Variants in GABRR1 observed in about 807,000 individuals in gnomAD.
GABRR1 encodes the protein gamma-aminobutyric acid receptor subunit rho-1.
GABRR1 carries 59 observed loss-of-function variants against 55.5 expected under a neutral mutation model. The ratio of observed to expected loss-of-function variants is 1.06; its 90% confidence interval spans 0.86 to 1.32. The LOEUF is 1.32. Among genes scored for constraint, GABRR1 ranks in the 40% most tolerant of loss-of-function variants. The pLI is 0.00. For synonymous variants in GABRR1, 213 were observed against 226.0 expected (o/e 0.94, Z 0.51); for missense variants, 602 against 619.1 (o/e 0.97, Z 0.29).
At chr6:89,210,482 T>A (rs1357192872) in intron 1 of GABRR1, among the ~76,000 whole-genome samples, 1 of 152,082 alleles carries the variant, frequency 6.6e-6, no homozygotes, top group Non-Finnish European at 1.5e-5. Context: ...GTGTGAGCCA[T>A]CATGCCCAGT....
Position 89,183,849 on chromosome 6 carries a change from C to A in GABRR1, c.796+1461G>T, listed in dbSNP as rs1479508306. ...GGCATACAGAGTGGTATAGTGGACA[C>A]TGGAGACTCGGAAGTGGAGAAGGTG... On this transcript the variant is annotated intron_variant, in intron 7 of 9. Coordinates refer to ENST00000454853, the MANE Select transcript of GABRR1 (RefSeq NM_002042.5). Among the ~76,000 whole-genome samples, 3 of 152,162 alleles carry A rather than the reference C, an allele frequency of 2.0e-5. No individual in the cohort carries two copies. In the East Asian group the frequency reaches 5.8e-4, roughly 29 times the overall value.
At chr6:89,189,753 TA>T (rs1179125816) in intron 6 of GABRR1, among the ~76,000 whole-genome samples, 1 of 152,124 alleles carries the variant, frequency 6.6e-6, no homozygotes, top group African/African-American at 2.4e-5. Flanking sequence ...AGCTTCAATC[TA>T]ACACATTACT....
chr6:89,188,584 T>A (rs1771986043), intron 6 of GABRR1, among the ~76,000 whole-genome samples: 1 of 150,208 alleles, frequency 6.7e-6, no homozygotes, highest in East Asian at 1.9e-4. Flanking sequence ...TCAAGTCTTT[T>A]GTCCATTTTT....
chr6:89,203,862 G>T (rs991473759), intron 1 of GABRR1, among the ~76,000 whole-genome samples: 1 of 152,202 alleles, frequency 6.6e-6, no homozygotes, highest in Non-Finnish European at 1.5e-5. Flanking sequence ...CAGGTGAACT[G>T]CATCACTTGA....
intron 1 of GABRR1, among the ~76,000 whole-genome samples, chr6:89,230,540 C>T (rs568025978): frequency 1.0e-3 from 156 of 152,310 alleles, no homozygotes; most frequent in African/African-American, 3.7e-3. Flanking sequence ...TGTCAGTGTG[C>T]CCCTGCCTGG....
intron 6 of GABRR1, among the ~76,000 whole-genome samples, chr6:89,185,941 C>T (rs1028346750): frequency 4.0e-5 from 6 of 151,894 alleles, no homozygotes; most frequent in African/African-American, 1.5e-4. Context: ...CATAAAGAGA[C>T]GGGAGTGGAA....
At chr6:89,194,298 C>A (rs1312134544) in intron 5 of GABRR1, among the ~76,000 whole-genome samples, 1 of 152,138 alleles carries the variant, frequency 6.6e-6, no homozygotes, top group Non-Finnish European at 1.5e-5. Flanking sequence ...CTCCCCCATT[C>A]GGGACTGGCG....
At chr6:89,180,875 AG>A (rs1771697270) in intron 8 of GABRR1, among the ~76,000 whole-genome samples, 1 of 152,166 alleles carries the variant, frequency 6.6e-6, no homozygotes, top group African/African-American at 2.4e-5. Flanking sequence ...AAGGGGAAAA[AG>A]CCCATGGGGT....
intron 5 of GABRR1, among the ~76,000 whole-genome samples, chr6:89,191,272 G>A (rs1034133796): frequency 6.6e-6 from 1 of 152,162 alleles, no homozygotes; most frequent in African/African-American, 2.4e-5. Context: ...TGATAAACAG[G>A]GAATGTTAGA....
At position 89,179,048 on chromosome 6, in the gene GABRR1, C is replaced by T. The variant is rs912306660; in HGVS notation, c.1162G>A (p.Gly388Arg). 5.6e-6 allele frequency: 9 copies of T among 1,613,624 alleles called. No homozygotes were observed. Among genetic ancestry groups the T allele is most frequent in the Admixed American group, 3.3e-5 (2 of 59,986 alleles). The change falls in exon 10 of 10, where the codon GGA becomes AGA. Residue 388 changes from glycine to arginine, a missense_variant. By Grantham distance (125) the Gly-to-Arg change is moderately radical. Coordinates refer to ENST00000454853, the MANE Select transcript of GABRR1 (RefSeq NM_002042.5). Reference sequence around the variant, plus strand: ...ATCGCAGTGCGGGGCGGAGGTAATCCGCTGGTGCAGGGAAGCTGCAAACAG... The same window carrying T: ...ATCGCAGTGCGGGGCGGAGGTAATCTGCTGGTGCAGGGAAGCTGCAAACAG... ...KLREKLPCTS[G>R]LPPPRTAMLD...
rs372666451 is a variant in GABRR1, at chr6:89,178,651, T to C, written c.*119A>G. 73 of 818,466 alleles carry C rather than the reference T, an allele frequency of 8.9e-5. No individual in the cohort carries two copies. The South Asian group carries it at 1.3e-3, about 14-fold the overall frequency. The allele number at this position is 818,466 out of a possible 1,614,324, so 50.7% of individuals were successfully genotyped here. On this transcript the variant is annotated 3_prime_UTR_variant, in exon 10 of 10. Coordinates refer to ENST00000454853, the MANE Select transcript of GABRR1 (RefSeq NM_002042.5). ...CTTTGGAAAGCTGCAGAAGGGATAGTGAAAACATGGGTGGGTCCTGGGATT... is the reference window on the plus strand; with the variant it reads ...CTTTGGAAAGCTGCAGAAGGGATAGCGAAAACATGGGTGGGTCCTGGGATT...
At chr6:89,201,073 A>G (rs1056595546) in intron 3 of GABRR1, 86 bp downstream of exon 3, 19 of 957,546 alleles carry the variant, frequency 2.0e-5, no homozygotes, top group Admixed American at 3.8e-5. Context: ...AGCGGAGAGC[A>G]AAGCTGTGCT....
At chr6:89,197,510 G>T (rs1772336135) in intron 5 of GABRR1, among the ~76,000 whole-genome samples, 1 of 152,234 alleles carries the variant, frequency 6.6e-6, no homozygotes, top group Non-Finnish European at 1.5e-5. Flanking sequence ...GAACTGGTGA[G>T]AAGATTTTAT....
At chr6:89,187,647 G>A (rs1176801058) in intron 6 of GABRR1, among the ~76,000 whole-genome samples, 1 of 152,056 alleles carries the variant, frequency 6.6e-6, no homozygotes, top group Non-Finnish European at 1.5e-5. Context: ...CCCAGCCTCT[G>A]GCAACCACCA....
At position 89,181,978 on chromosome 6, in the gene GABRR1, A is replaced by G; in HGVS notation, c.876T>C (p.Ala292=). The change falls in exon 8 of 10, where the codon GCT becomes GCC. Residue 292 remains alanine, a synonymous_variant. Coordinates refer to ENST00000454853, the MANE Select transcript of GABRR1 (RefSeq NM_002042.5). ...CCCAGGACAGCATGACCATCAGGGT[A>G]GCGGGGAAATAAGTTTGGAGCAAGA... ...FFFLLQTYFP[A]TLMVMLSWVS... is the part of the protein sequence containing the mutation. 1 of 1,614,198 alleles carries G rather than the reference A, an allele frequency of 6.2e-7. No homozygotes were observed. The highest frequency in any genetic ancestry group is 8.5e-7 in the Non-Finnish European group (1 of 1,180,024).
intron 9 of GABRR1, among the ~76,000 whole-genome samples, chr6:89,179,485 G>A (rs1393070812): frequency 6.6e-6 from 1 of 152,194 alleles, no homozygotes; most frequent in East Asian, 1.9e-4. Context: ...CTCCCAAAGT[G>A]CTGGGATTAC....
At chr6:89,185,564 T>G (rs1771878476) in intron 6 of GABRR1, 114 bp from the exon 7 acceptor site, 1 of 899,798 alleles carries the variant, frequency 1.1e-6, no homozygotes, top group Non-Finnish European at 1.7e-6. Flanking sequence ...GATTGTGATA[T>G]GATAGTTTGA....
At chr6:89,194,110 ACAAAGG>A (rs1157405185) in intron 5 of GABRR1, among the ~76,000 whole-genome samples, 1 of 152,182 alleles carries the variant, frequency 6.6e-6, no homozygotes, top group Non-Finnish European at 1.5e-5. Context: ...ACAGGCTGAG[ACAAAGG>A]GGAGGCAGGA....
intron 6 of GABRR1, 105 bp downstream of exon 6, chr6:89,190,060 G>T: frequency 7.9e-6 from 5 of 634,894 alleles, no homozygotes; most frequent in Non-Finnish European, 1.0e-5. Flanking sequence ...AAAAAAAAAA[G>T]TCTACTCATG....
Sources: gnomAD v4.1 joint callset for allele counts (sites outside exome capture counted in the v4.1 genomes callset) on GRCh38, gnomAD v4.1.1 for gene constraint, MANE v1.5 for transcripts, NCBI Gene and HGNC (gene_info 2026-07-23, HGNC 2026-07-21) for gene names.